Variants in PUS10 observed in about 807,000 individuals in gnomAD.
PUS10 encodes pseudouridine synthase 10.
Under a neutral mutation model 75.0 loss-of-function variants are expected in PUS10, and 59 were observed. The observed-to-expected ratio is 0.79, with a 90% CI of 0.64 to 0.98. The LOEUF (loss-of-function observed/expected upper bound fraction) is 0.98, where lower values mean the gene tolerates loss of function less well. Ranked by LOEUF, PUS10 falls within the 50% of genes least tolerant of loss-of-function variation. The pLI, the probability that PUS10 is intolerant of heterozygous loss-of-function variation, is 0.00. For missense variants in PUS10, 650 were observed against 614.4 expected, an observed-to-expected ratio of 1.06 and a Z score of -0.61; for synonymous variants, 219 against 211.6, an observed-to-expected ratio of 1.03 and a Z score of -0.30.
At chr2:60,954,272 G>A in intron 12 of PUS10, 114 bp from the exon 13 acceptor site, 1 of 865,096 alleles carries the variant, frequency 1.2e-6, no homozygotes, top group Non-Finnish European at 1.9e-6. Flanking sequence ...AGGACTGAAA[G>A]TTTAGTGACA....
chr2:60,998,056 A>G (rs1678595290), intron 4 of PUS10, among the ~76,000 whole-genome samples: 1 of 152,360 alleles, frequency 6.6e-6, no homozygotes, highest in South Asian at 2.1e-4. Context: ...ATGCCTGCAC[A>G]CACAATATAT....
chr2:61,006,759 T>G, intron 3 of PUS10, 116 bp from the exon 4 acceptor site: 1 of 724,426 alleles, frequency 1.4e-6, no homozygotes, highest in Non-Finnish European at 2.3e-6. Flanking sequence ...CTTCCAAACT[T>G]TCACATTTGA....
At chr2:60,953,798 A>G (rs1313281192) in intron 14 of PUS10, 135 bp downstream of exon 14, 3 of 682,786 alleles carry the variant, frequency 4.4e-6, no homozygotes, top group East Asian at 5.2e-5. Context: ...AGAAATGTCT[A>G]CTTAATCATT....
chr2:60,974,631 GT>G (rs899033908), intron 4 of PUS10, among the ~76,000 whole-genome samples: 21 of 152,362 alleles, frequency 1.4e-4, no homozygotes, highest in African/African-American at 4.8e-4. Context: ...GGGCTCTGCG[GT>G]TTCTAGCGTC....
rs1679622490 is a variant in PUS10, at chr2:61,011,835, C to T, written c.56G>A (p.Gly19Asp). Residue 19 changes from glycine to aspartate, a missense_variant, in exon 2 of 18, where the codon GGT (glycine) becomes GAT (aspartate). Physicochemically the swap from Gly to Asp is moderately conservative, Grantham distance 94. Coordinates refer to ENST00000316752, the MANE Select transcript of PUS10 (RefSeq NM_144709.4). ...KHVAQLLLNTGTCPRCIFRFC... is the reference protein window; with the variant it reads ...KHVAQLLLNTDTCPRCIFRFC... Reference sequence around the variant, plus strand: ...TCTGAAGATACATCTTGGACAAGTACCAGTATTGAGCAACAACTGGGCCAC... The same window carrying T: ...TCTGAAGATACATCTTGGACAAGTATCAGTATTGAGCAACAACTGGGCCAC... The T allele has an allele frequency of 1.2e-6, 2 of 1,610,114 alleles. No individual in the cohort carries two copies. The highest frequency in any genetic ancestry group is 1.7e-6 in the Non-Finnish European group (2 of 1,178,012).
chr2:60,942,001 A>G lies in PUS10; in HGVS notation c.*394T>C, dbSNP rs1464086974. ...TAACTTTTATTCAGATAATTTACAA[A>G]AATTAGAACATGATTTTAAAGGTGG... On this transcript the variant is annotated 3_prime_UTR_variant, in exon 18 of 18. Coordinates refer to ENST00000316752, the MANE Select transcript of PUS10 (RefSeq NM_144709.4). The G allele has an allele frequency of 6.1e-6, 1 of 164,992 alleles. No individual in the cohort carries two copies. The highest frequency in any genetic ancestry group is 1.6e-4 in the East Asian group (1 of 6,100). 10.2% of individuals were successfully genotyped at this position (164,992 alleles called of 1,614,324 possible).
At chr2:60,983,930 T>A (rs1457570069) in intron 4 of PUS10, among the ~76,000 whole-genome samples, 2 of 151,688 alleles carry the variant, frequency 1.3e-5, no homozygotes, top group Non-Finnish European at 2.9e-5. Flanking sequence ...CACACACACC[T>A]ACAAACATGC....
chr2:60,954,214 G>T, intron 12 of PUS10, 56 bp from the exon 13 acceptor site: 1 of 1,564,800 alleles, frequency 6.4e-7, no homozygotes, highest in Non-Finnish European at 8.8e-7. Flanking sequence ...TTAACATTTG[G>T]GCTAATGCAA....
chr2:60,948,328 A>T, intron 15 of PUS10, 143 bp from the exon 16 acceptor site: 1 of 762,820 alleles, frequency 1.3e-6, no homozygotes, highest in African/African-American at 1.7e-5. Flanking sequence ...CTTAGGTTCA[A>T]ACTCTGTGGG....
chr2:60,992,054 C>T (rs1160375870), intron 4 of PUS10, among the ~76,000 whole-genome samples: 1 of 151,670 alleles, frequency 6.6e-6, no homozygotes, highest in Admixed American at 6.6e-5. Flanking sequence ...CTCTGTCACC[C>T]AGGCTGGAGT....
chr2:60,971,047 G>C (rs1219922245), intron 5 of PUS10, among the ~76,000 whole-genome samples: 1 of 151,886 alleles, frequency 6.6e-6, no homozygotes, highest in Non-Finnish European at 1.5e-5. Flanking sequence ...AGGCATGGTG[G>C]CAGGCTCCTG....
At position 60,953,066 on chromosome 2, in the gene PUS10, G is replaced by A; in HGVS notation, c.1239C>T (p.Thr413=). 1.2e-6 allele frequency: 2 copies of A among 1,609,390 alleles called. No individual in the cohort carries two copies. The highest frequency in any genetic ancestry group is 1.7e-6 in the Non-Finnish European group (2 of 1,175,830). Residue 413 remains threonine, a synonymous_variant, in exon 15 of 18, where the codon ACC becomes ACT. Coordinates refer to ENST00000316752, the MANE Select transcript of PUS10 (RefSeq NM_144709.4). ...MKEGEEEKTK[T]YSALIWTNKA... ...TATTTGTCCAAATTAAGGCACTGTA[G>A]GTCTTTGTCTTTTCTTCTTCACCTT...
In PUS10 at chr2:60,941,611, T is replaced by G. The variant is rs769202610; in HGVS notation, c.*784A>C. 6 of 152,312 alleles carry G rather than the reference T, an allele frequency of 3.9e-5. No homozygotes were observed. The highest frequency in any genetic ancestry group is 5.9e-5 in the Non-Finnish European group (4 of 68,010). The allele number at this position is 152,312 out of a possible 1,614,324, so 9.4% of individuals were successfully genotyped here. ...CTGAAATAATACCAGTTCGTCTTTG[T>G]TTAGCAATCTCAATTTTTCAAATTC... On this transcript the variant is annotated 3_prime_UTR_variant, in exon 18 of 18. Coordinates refer to ENST00000316752, the MANE Select transcript of PUS10 (RefSeq NM_144709.4).
intron 16 of PUS10, among the ~76,000 whole-genome samples, chr2:60,946,164 A>G (rs972941070): frequency 6.6e-6 from 1 of 152,242 alleles, no homozygotes; most frequent in African/African-American, 2.4e-5. Context: ...CTGCGTAGCA[A>G]TGATGAGGAG....
At chr2:61,010,694 T>G in intron 2 of PUS10, 1 of 1,331,222 alleles carries the variant, frequency 7.5e-7, no homozygotes, top group Admixed American at 2.1e-5. Context: ...GTGAGGTGGG[T>G]ATTATCATCA....
chr2:60,944,974 T>C, intron 17 of PUS10, 35 bp downstream of exon 17: 2 of 1,489,878 alleles, frequency 1.3e-6, no homozygotes, highest in South Asian at 1.1e-5. Flanking sequence ...TTGAATTCAA[T>C]TTGCCAATGT....
At chr2:60,989,588 A>G (rs1325184842) in intron 4 of PUS10, among the ~76,000 whole-genome samples, 1 of 152,098 alleles carries the variant, frequency 6.6e-6, no homozygotes, top group Non-Finnish European at 1.5e-5. Context: ...TAAAGCTCAC[A>G]GTGAATCTTC....
At chr2:60,954,016 TA>T (rs1675501701) in intron 13 of PUS10, 28 bp from the exon 14 acceptor site, 1 of 1,610,182 alleles carries the variant, frequency 6.2e-7, no homozygotes, top group South Asian at 1.1e-5. Context: ...GAAAAACAAT[TA>T]GCAAGTCTAG....
intron 7 of PUS10, 93 bp from the exon 8 acceptor site, chr2:60,965,196 C>T: frequency 7.7e-7 from 1 of 1,290,648 alleles, no homozygotes; most frequent in Non-Finnish European, 1.1e-6. Flanking sequence ...GGCTGCTAAA[C>T]TCAGGACATC....
Sources: gnomAD v4.1 joint callset for allele counts (sites outside exome capture counted in the v4.1 genomes callset) on GRCh38, gnomAD v4.1.1 for gene constraint, MANE v1.5 for transcripts, NCBI Gene and HGNC (gene_info 2026-07-23, HGNC 2026-07-21) for gene names.